Variants in UGT1A4 observed in about 807,000 individuals in gnomAD.
UGT1A4 encodes UDP-glucuronosyltransferase 1A4.
In UGT1A4, 32 loss-of-function variants were observed where a neutral mutation model predicts 41.1. That is an observed-to-expected ratio of 0.78 (90% confidence interval 0.59 to 1.05). The LOEUF (loss-of-function observed/expected upper bound fraction) is 1.05. Among genes scored for constraint, UGT1A4 ranks in the 50% least tolerant of loss-of-function variants. The pLI is 0.00. For missense variants in UGT1A4, 748 were observed against 677.4 expected, an observed-to-expected ratio of 1.10 and a Z score of -1.16; for synonymous variants, 283 against 265.1, an observed-to-expected ratio of 1.07 and a Z score of -0.66.
Position 233,768,449 on chromosome 2 carries a change from A to T in UGT1A4, c.1307+10A>T, listed in dbSNP as rs757647919. 6.2e-7 allele frequency: 1 copy of T among 1,611,702 alleles called. No individual in the cohort carries two copies. The highest frequency in any genetic ancestry group is 8.5e-7 in the Non-Finnish European group (1 of 1,178,666). On this transcript the variant is annotated intron_variant, in intron 4 of 4. Coordinates refer to ENST00000373409, the MANE Select transcript of UGT1A4 (RefSeq NM_007120.3). ...TCATCAATGACAAAAGGTAAGAAAG[A>T]AGATACAGAAGAATACTTTGGTCAT...
At position 233,719,653 on chromosome 2, in the gene UGT1A4, G is replaced by A. The variant is rs759057764; in HGVS notation, c.833G>A (p.Gly278Asp). ...PIMPNMVFIGGINCANGKPLS... is the reference protein window; with the variant it reads ...PIMPNMVFIGDINCANGKPLS... ...ATGCCCAACATGGTCTTCATTGGGG[G>A]CATCAACTGTGCCAACGGGAAGCCA... Residue 278 changes from glycine (G) to aspartate (D), a missense_variant, in exon 1 of 5, where the codon GGC becomes GAC. Coordinates refer to ENST00000373409, the MANE Select transcript of UGT1A4 (RefSeq NM_007120.3). 6 of 1,614,078 alleles carry A rather than the reference G, an allele frequency of 3.7e-6. No individual in the cohort carries two copies. Among genetic ancestry groups the A allele is most frequent in the South Asian group, 3.3e-5 (3 of 91,074 alleles).
rs534080873 is a variant in UGT1A4 at position 233,731,172 on chromosome 2, T to C, written c.867+11485T>C. Among the ~76,000 whole-genome samples, 21 of 152,344 alleles carry C rather than the reference T, an allele frequency of 1.4e-4. No individual in the cohort carries two copies. The South Asian group carries it at 3.1e-3, about 23-fold the overall frequency. The stretch of plus-strand genomic sequence containing the variant: ...CTTTTTGATCAAACGACATGATTTT[T>C]TTATGCAATGTAATTATTCAATTAT... On this transcript the variant is annotated intron_variant, in intron 1 of 4. Coordinates refer to ENST00000373409, the MANE Select transcript of UGT1A4 (RefSeq NM_007120.3).
chr2:233,719,411 A>G lies in UGT1A4; in HGVS notation c.591A>G (p.Leu197=). 6.2e-7 allele frequency: 1 copy of G among 1,613,946 alleles called. No individual in the cohort carries two copies. Residue 197 remains leucine, a synonymous_variant, in exon 1 of 5, where the codon TTA becomes TTG. Transcript: ENST00000373409. ...CPNPSSYIPK[L]LTTNSDHMTF... is the part of the protein sequence containing the mutation. ...ATCCTTCCTCCTATATTCCTAAGTT[A>G]CTAACGACCAATTCAGACCACATGA...
rs1393743923 is a variant in UGT1A4, at chr2:233,745,878, T to C, written c.868-21156T>C. 2.0e-5 allele frequency among the ~76,000 whole-genome samples: 3 copies of C among 150,678 alleles called. 1 individual carries two copies. Among genetic ancestry groups the C allele is most frequent in the African/African-American group, 7.4e-5 (3 of 40,514 alleles). On this transcript the variant is annotated intron_variant, in intron 1 of 4. Transcript: ENST00000373409. ...AAGCTGCTGACCAAGGTTCCAGAAGTGTTGGTGGGGTGGCGTTTTTCAGGG... is the reference window on the plus strand; with the variant it reads ...AAGCTGCTGACCAAGGTTCCAGAAGCGTTGGTGGGGTGGCGTTTTTCAGGG...
intron 1 of UGT1A4, chr2:233,743,003 T>C (rs1559386473): frequency 4.2e-6 from 1 of 238,432 alleles, no homozygotes; most frequent in Non-Finnish European, 8.3e-6. Context: ...TGCATACAGA[T>C]ATTTTACAAC....
intron 1 of UGT1A4, among the ~76,000 whole-genome samples, chr2:233,732,747 C>T (rs2078308352): frequency 6.7e-6 from 1 of 150,262 alleles, no homozygotes; most frequent in South Asian, 2.1e-4. Flanking sequence ...CATGATGCCA[C>T]CAGCTTTGTT....
chr2:233,749,530 G>T (rs1211787123), intron 1 of UGT1A4, among the ~76,000 whole-genome samples: 2 of 151,832 alleles, frequency 1.3e-5, no homozygotes, highest in Non-Finnish European at 2.9e-5. Flanking sequence ...GCTAATTTTC[G>T]AGTGTGGTAA....
chr2:233,735,127 C>T (rs965773877), intron 1 of UGT1A4, among the ~76,000 whole-genome samples: 26 of 152,130 alleles, frequency 1.7e-4, no homozygotes, highest in Non-Finnish European at 2.9e-5. Flanking sequence ...TAAAGTCTCT[C>T]ATTATTATTG....
chr2:233,721,923 T>C (rs1336715590), intron 1 of UGT1A4: 2 of 399,724 alleles, frequency 5.0e-6, no homozygotes, highest in Non-Finnish European at 5.0e-6. Flanking sequence ...TTCCATAAAG[T>C]GACATCCTTC....
chr2:233,747,081 A>G (rs1196647513), intron 1 of UGT1A4: 7 of 1,127,108 alleles, frequency 6.2e-6, no homozygotes, highest in Non-Finnish European at 1.2e-6. Context: ...ATTAACTAGG[A>G]GGAGAGCACT....
chr2:233,736,028 C>T lies in UGT1A4; in HGVS notation c.867+16341C>T, dbSNP rs2078720719. 2.0e-5 allele frequency among the ~76,000 whole-genome samples: 3 copies of T among 152,098 alleles called. No homozygotes were observed. The South Asian group carries it at 6.2e-4, about 32-fold the overall frequency. ...TCGAGGAGTATCTTTGTGGTGTTCT[C>T]TGTATTTCCTGAATTTGAATGTTGG... is the stretch of plus-strand genomic sequence containing the variant. On this transcript the variant is annotated intron_variant, in intron 1 of 4. Transcript: ENST00000373409.
intron 1 of UGT1A4, among the ~76,000 whole-genome samples, chr2:233,764,582 C>G (rs1698598624): frequency 6.6e-6 from 1 of 152,122 alleles, no homozygotes; most frequent in South Asian, 2.1e-4. Context: ...TAGACTCGGC[C>G]TTTTCCAGAT....
Position 233,767,155 on chromosome 2 carries a change from T to C in UGT1A4, c.989T>C (p.Ile330Thr), listed in dbSNP as rs202035422. The change falls in exon 2 of 5, where the codon ATC (isoleucine) becomes ACC (threonine). Residue 330 changes from isoleucine (I) to threonine (T), a missense_variant. Ile to Thr is a moderately conservative substitution (Grantham distance 89). Transcript: ENST00000373409. The stretch of plus-strand genomic sequence containing the variant: ...GCAATTGCTGATGCTTTGGGCAAAA[T>C]CCCTCAGACAGTAAGAAGATTCTAT... ...AMAIADALGK[I>T]PQTVLWRYTG... 6.2e-7 allele frequency: 1 copy of C among 1,614,056 alleles called. No homozygotes were observed. Among genetic ancestry groups the C allele is most frequent in the Non-Finnish European group, 8.5e-7 (1 of 1,179,996 alleles).
At position 233,769,903 on chromosome 2, in the gene UGT1A4, G is replaced by C. The variant is rs1699979126; in HGVS notation, c.1307+1464G>C. On this transcript the variant is annotated intron_variant, in intron 4 of 4. Transcript: ENST00000373409. The surrounding 1 kb of genome is among the most constrained non-coding windows in gnomAD (Gnocchi z 4.4). ...AAAGTCCACATAACCTGAGCATCATGTGCCCAGAGCGTTGGGTGGTGTGGT... is the reference window on the plus strand; with the variant it reads ...AAAGTCCACATAACCTGAGCATCATCTGCCCAGAGCGTTGGGTGGTGTGGT... 1 of 333,056 alleles carries C rather than the reference G, an allele frequency of 3.0e-6. No individual in the cohort carries two copies. The highest frequency in any genetic ancestry group is 6.0e-5 in the East Asian group (1 of 16,780). 20.6% of individuals were successfully genotyped at this position (333,056 alleles called of 1,614,324 possible).
chr2:233,747,677 C>T (rs1693749061), intron 1 of UGT1A4: 1 of 1,606,758 alleles, frequency 6.2e-7, no homozygotes, highest in Non-Finnish European at 8.5e-7. Context: ...ACCCAATTTA[C>T]CTCTGTGGGG....
At chr2:233,734,382 A>G (rs189270285) in intron 1 of UGT1A4, among the ~76,000 whole-genome samples, 35 of 152,082 alleles carry the variant, frequency 2.3e-4, no homozygotes, top group Admixed American at 1.0e-3. Context: ...TGCCTTTACT[A>G]TTTTTTATTG....
chr2:233,768,262 A>G lies in UGT1A4; in HGVS notation c.1130A>G (p.His377Arg), dbSNP rs1349037761. The change falls in exon 4 of 5, where the codon CAT becomes CGT. Residue 377 changes from histidine to arginine, a missense_variant. Physicochemically the swap from His to Arg is conservative, Grantham distance 29. Coordinates refer to ENST00000373409, the MANE Select transcript of UGT1A4 (RefSeq NM_007120.3). ...GCCTTTATCACCCATGCTGGTTCCC[A>G]TGGTGTTTATGAAAGCATATGCAAT... Reference protein sequence around the residue: ...TRAFITHAGSHGVYESICNGV... With the variant: ...TRAFITHAGSRGVYESICNGV... 1 of 1,614,138 alleles carries G rather than the reference A, an allele frequency of 6.2e-7. No individual in the cohort carries two copies. Among genetic ancestry groups the G allele is most frequent in the Non-Finnish European group, 8.5e-7 (1 of 1,180,018 alleles).
intron 1 of UGT1A4, chr2:233,743,214 G>T (rs1433363859): frequency 4.9e-6 from 2 of 406,726 alleles, no homozygotes; most frequent in Non-Finnish European, 9.7e-6. Context: ...CGGAGTAACT[G>T]CTCTTTGCTA....
rs183557056 is a variant in UGT1A4 at position 233,739,734 on chromosome 2, G to A, written c.867+20047G>A. Reference sequence around the variant, plus strand: ...GGAAGGGACTTGACTTGTCTCAGATGAGACCTTGGACTATGGACTTTTGAG... The same window carrying A: ...GGAAGGGACTTGACTTGTCTCAGATAAGACCTTGGACTATGGACTTTTGAG... On this transcript the variant is annotated intron_variant, in intron 1 of 4. Transcript: ENST00000373409. Among the ~76,000 whole-genome samples the A allele has an allele frequency of 9.2e-3, 1,401 of 152,178 alleles. 30 individuals carry two copies. The highest frequency in any genetic ancestry group is 0.032 in the African/African-American group (1,315 of 41,414).
Sources: gnomAD v4.1 joint callset for allele counts (sites outside exome capture counted in the v4.1 genomes callset) on GRCh38, gnomAD v4.1.1 for gene constraint, Gnocchi (gnomAD v3.1) non-coding constraint, MANE v1.5 for transcripts, NCBI Gene and HGNC (gene_info 2026-07-23, HGNC 2026-07-21) for gene names.